Variants in SMYD3 observed in about 807,000 individuals in gnomAD.
SMYD3 encodes the protein histone-lysine N-methyltransferase SMYD3.
SMYD3 carries 36 observed loss-of-function variants against 57.7 expected under a neutral mutation model. The ratio of observed to expected loss-of-function variants is 0.62; its 90% CI spans 0.48 to 0.82. The LOEUF (loss-of-function observed/expected upper bound fraction) is 0.82, where lower values mean the gene tolerates loss of function less well. SMYD3 is among the 40% of genes least tolerant of loss of function. The pLI is 0.00. For synonymous variants in SMYD3, 211 were observed against 195.0 expected (o/e 1.08, Z -0.68); for missense variants, 515 against 538.8 (o/e 0.96, Z 0.44).
At chr1:246,410,925 C>T (rs1315855193) in intron 1 of SMYD3, among the ~76,000 whole-genome samples, 1 of 152,172 alleles carries the variant, frequency 6.6e-6, no homozygotes, top group African/African-American at 2.4e-5. Context: ...AGCAATTTAT[C>T]CATTTCTTCT....
At chr1:246,230,841 T>C (rs2063398532) in intron 5 of SMYD3, among the ~76,000 whole-genome samples, 1 of 152,232 alleles carries the variant, frequency 6.6e-6, no homozygotes, top group Non-Finnish European at 1.5e-5. Context: ...TTTAATTTGA[T>C]TTTAATTACT....
At chr1:246,068,068 G>C (rs1189573243) in intron 5 of SMYD3, among the ~76,000 whole-genome samples, 1 of 152,140 alleles carries the variant, frequency 6.6e-6, no homozygotes, top group East Asian at 1.9e-4. Context: ...CAGTATGTGT[G>C]ACTGTTTAGA....
At chr1:246,307,480 C>T (rs1047013946) in intron 5 of SMYD3, among the ~76,000 whole-genome samples, 15 of 133,034 alleles carry the variant, frequency 1.1e-4, no homozygotes, top group Non-Finnish European at 1.8e-4. Context: ...AGTGCAGTGG[C>T]GTGATCTCGG....
chr1:246,422,404 A>G (rs2102998969), intron 1 of SMYD3, among the ~76,000 whole-genome samples: 1 of 149,070 alleles, frequency 6.7e-6, no homozygotes, highest in Non-Finnish European at 1.5e-5. Flanking sequence ...TTAGTGACAA[A>G]GGCTACAATG....
chr1:246,352,867 T>G (rs940640667), intron 2 of SMYD3, among the ~76,000 whole-genome samples: 1 of 152,184 alleles, frequency 6.6e-6, no homozygotes, highest in Admixed American at 6.5e-5. Context: ...GTAAACTGTT[T>G]ATTAAGTGTT....
intron 10 of SMYD3, among the ~76,000 whole-genome samples, chr1:245,786,076 CTTTTTTT>C (rs11457106): frequency 8.1e-6 from 1 of 123,258 alleles, no homozygotes; most frequent in South Asian, 2.7e-4. Context: ...AGAAGTTTTG[CTTTTTTT>C]TTTTTTTTTT....
intron 1 of SMYD3, among the ~76,000 whole-genome samples, chr1:246,441,133 G>T (rs530527440): frequency 6.0e-4 from 91 of 152,150 alleles, no homozygotes; most frequent in Non-Finnish European, 1.0e-3. Flanking sequence ...ATGAAGAGGA[G>T]CTTTTTATCC....
At chr1:245,795,501 C>T (rs1216105687) in intron 10 of SMYD3, among the ~76,000 whole-genome samples, 2 of 152,238 alleles carry the variant, frequency 1.3e-5, no homozygotes, top group Admixed American at 6.5e-5. Context: ...CCAGTGGCTT[C>T]AGCTCCATCA....
intron 1 of SMYD3, among the ~76,000 whole-genome samples, chr1:246,431,437 G>T (rs911351035): frequency 6.6e-5 from 10 of 152,080 alleles, no homozygotes; most frequent in African/African-American, 2.2e-4. Context: ...TTGCTAAAAG[G>T]AGCAACTTTA....
intron 5 of SMYD3, among the ~76,000 whole-genome samples, chr1:246,139,187 A>C (rs2061712619): frequency 6.6e-6 from 1 of 152,244 alleles, no homozygotes; most frequent in Non-Finnish European, 1.5e-5. Flanking sequence ...TTAATTGTTC[A>C]TAGACCAAAG....
At chr1:245,883,511 G>GA (rs1413607667) in intron 8 of SMYD3, among the ~76,000 whole-genome samples, 5 of 152,010 alleles carry the variant, frequency 3.3e-5, no homozygotes, top group African/African-American at 7.3e-5. Flanking sequence ...AAAACTAGGG[G>GA]AAAAAAACCC....
chr1:246,188,793 G>A (rs983010519), intron 5 of SMYD3, among the ~76,000 whole-genome samples: 17 of 151,658 alleles, frequency 1.1e-4, no homozygotes, highest in African/African-American at 3.9e-4. Flanking sequence ...AGACCCTATC[G>A]CTACTAAAAA....
chr1:245,789,078 G>C (rs2047163252), intron 10 of SMYD3: 1 of 152,100 alleles, frequency 6.6e-6, no homozygotes, highest in South Asian at 2.1e-4. Flanking sequence ...CTTGGAACAC[G>C]GCACCAGGAG....
intron 1 of SMYD3, among the ~76,000 whole-genome samples, chr1:246,409,485 T>C (rs917304907): frequency 6.6e-6 from 1 of 152,232 alleles, no homozygotes; most frequent in Non-Finnish European, 1.5e-5. Context: ...GAGATAGTTG[T>C]AGATATGCAG....
intron 10 of SMYD3, among the ~76,000 whole-genome samples, chr1:245,848,993 A>AAT (rs2050813785): frequency 1.3e-5 from 2 of 152,184 alleles, no homozygotes; most frequent in African/African-American, 4.8e-5. Flanking sequence ...TATCTAAAAC[A>AAT]TTAGAGTTCA....
intron 10 of SMYD3, among the ~76,000 whole-genome samples, chr1:245,783,914 T>C (rs1429368176): frequency 6.6e-6 from 1 of 152,224 alleles, no homozygotes; most frequent in Non-Finnish European, 1.5e-5. Context: ...AGCCACACTG[T>C]GTTCATGCAT....
chr1:246,296,925 A>G (rs2064805652), intron 5 of SMYD3, among the ~76,000 whole-genome samples: 1 of 152,204 alleles, frequency 6.6e-6, no homozygotes, highest in Non-Finnish European at 1.5e-5. Context: ...TTCTAGGTTG[A>G]GGAACTTAGG....
intron 10 of SMYD3, among the ~76,000 whole-genome samples, chr1:245,845,081 C>A (rs1015751626): frequency 1.3e-5 from 2 of 152,176 alleles, no homozygotes; most frequent in Non-Finnish European, 2.9e-5. Context: ...TGGTTCAGCT[C>A]TCCAAAAGAT....
intron 10 of SMYD3, among the ~76,000 whole-genome samples, chr1:245,767,474 GGTCAATATGGTGAAACCCC>G (rs2046165721): frequency 1.3e-5 from 2 of 152,292 alleles, no homozygotes; most frequent in South Asian, 4.1e-4. Context: ...GCACAGTCCT[GGTCAATATGGTGAAACCCC>G]GTCAATATGT....
Sources: allele counts gnomAD v4.1 joint callset (sites outside exome capture counted in the v4.1 genomes callset), GRCh38; gene constraint gnomAD v4.1.1; transcripts MANE v1.5; gene names NCBI Gene and HGNC (gene_info 2026-07-23, HGNC 2026-07-21).